The following LRRC37A2 variants were observed in gnomAD, a reference collection of about 807,000 sequenced individuals.
LRRC37A2 encodes the protein leucine-rich repeat-containing protein 37A2.
LRRC37A2 carries 9 observed loss-of-function variants against 68.8 expected under a neutral mutation model. That is an observed-to-expected ratio of 0.13 (90% CI 0.08 to 0.23). LRRC37A2 has a LOEUF of 0.23. Among genes scored for constraint, LRRC37A2 ranks in the 10% least tolerant of loss-of-function variants. The probability of loss-of-function intolerance (pLI) is 1.00; values close to 1 mark genes in which losing one functional copy is unlikely to be tolerated. For synonymous variants in LRRC37A2, 63 were observed against 367.6 expected (o/e 0.17, Z 9.48); for missense variants, 168 against 950.4 (o/e 0.18, Z 10.82).
the LRRC37A2 span, among the ~76,000 whole-genome samples, chr17:46,922,101 A>C: frequency 2.6e-5 from 4 of 152,364 alleles, no homozygotes; most frequent in East Asian, 7.7e-4. Context: ...CAACAATGAC[A>C]GACTGGATTA....
the LRRC37A2 span, among the ~76,000 whole-genome samples, chr17:46,824,888 C>T: frequency 6.6e-6 from 1 of 152,170 alleles, no homozygotes; most frequent in Non-Finnish European, 1.5e-5. Flanking sequence ...TCCTGTGTCC[C>T]TTTCATAGGA....
At chr17:46,909,657 T>A in the LRRC37A2 span, 1 of 152,274 alleles carries the variant, frequency 6.6e-6, no homozygotes, top group African/African-American at 2.4e-5. Flanking sequence ...GCTTGGGCCA[T>A]GGCAACAGCA....
the LRRC37A2 span, among the ~76,000 whole-genome samples, chr17:46,989,803 A>G: frequency 1.3e-5 from 2 of 152,366 alleles, no homozygotes; most frequent in South Asian, 4.1e-4. Flanking sequence ...CTGGCTATTT[A>G]GAGACAGCGT....
At chr17:46,768,216 G>C in the LRRC37A2 span, 2 of 1,557,486 alleles carry the variant, frequency 1.3e-6, no homozygotes, top group African/African-American at 2.7e-5. The surrounding 1 kb of genome is among the most constrained non-coding windows in gnomAD (Gnocchi z 5.0). Context: ...GGATAGCTTA[G>C]AAACAGAAGG....
chr17:46,936,741 G>T, the LRRC37A2 span: 8 of 983,982 alleles, frequency 8.1e-6, no homozygotes, highest in Non-Finnish European at 9.7e-6. Context: ...AGCCAAGCAG[G>T]ACTTTAGCAA....
the LRRC37A2 span, chr17:46,722,241 C>G: frequency 1.6e-6 from 2 of 1,218,762 alleles, no homozygotes; most frequent in Non-Finnish European, 2.4e-6. Context: ...GTCAAAATCC[C>G]TACATTCTTA....
At chr17:46,960,612 T>A in the LRRC37A2 span, among the ~76,000 whole-genome samples, 2 of 152,310 alleles carry the variant, frequency 1.3e-5, no homozygotes, top group Non-Finnish European at 2.9e-5. Context: ...ATCCTTCAAC[T>A]GAAGACAGAT....
chr17:46,711,545 G>C, the LRRC37A2 span, among the ~76,000 whole-genome samples: 1 of 152,160 alleles, frequency 6.6e-6, no homozygotes, highest in Non-Finnish European at 1.5e-5. Flanking sequence ...GTGTGTAAAG[G>C]TGTGTGTGAA....
chr17:46,558,792 C>A (rs999877125), downstream of LRRC37A2: 1 of 133,666 alleles, frequency 7.5e-6, no homozygotes, highest in South Asian at 2.3e-4. Context: ...TTCTAACTCA[C>A]ACTCCCCTAT....
the LRRC37A2 span, among the ~76,000 whole-genome samples, chr17:47,004,291 G>A: frequency 2.0e-5 from 3 of 152,134 alleles, no homozygotes; most frequent in African/African-American, 7.2e-5. Flanking sequence ...TTAAGGAATC[G>A]CCACAGTGTC....
At chr17:46,789,992 C>A in the LRRC37A2 span, among the ~76,000 whole-genome samples, 1 of 152,164 alleles carries the variant, frequency 6.6e-6, no homozygotes, top group Non-Finnish European at 1.5e-5. Flanking sequence ...GTGAAGACAG[C>A]CCTGCCCAGC....
the LRRC37A2 span, among the ~76,000 whole-genome samples, chr17:46,816,119 A>ACACACACACACACG: frequency 2.7e-5 from 4 of 150,552 alleles, no homozygotes; most frequent in Non-Finnish European, 5.9e-5. Flanking sequence ...ACGTACACAC[A>ACACACACACACACG]CACACACACA....
chr17:46,818,120 C>A, the LRRC37A2 span, among the ~76,000 whole-genome samples: 1 of 152,062 alleles, frequency 6.6e-6, no homozygotes, highest in East Asian at 1.9e-4. Context: ...TGGTTTTGCC[C>A]ATGAAGACCC....
At chr17:46,930,207 T>A in the LRRC37A2 span, 2 of 153,228 alleles carry the variant, frequency 1.3e-5, no homozygotes, top group African/African-American at 4.8e-5. Context: ...AAAGCAGCTC[T>A]GTTCTTGGTT....
chr17:46,490,876 T>G, the LRRC37A2 span, among the ~76,000 whole-genome samples: 2 of 105,332 alleles, frequency 1.9e-5, no homozygotes, highest in Non-Finnish European at 4.9e-5. Context: ...ACATACATAC[T>G]TTTTTTTTTT....
chr17:47,009,557 C>A, the LRRC37A2 span, among the ~76,000 whole-genome samples: 2 of 152,208 alleles, frequency 1.3e-5, no homozygotes, highest in Non-Finnish European at 2.9e-5. Flanking sequence ...AGCATGTGGT[C>A]CTGAGCTATG....
At chr17:46,859,093 C>T in the LRRC37A2 span, among the ~76,000 whole-genome samples, 1 of 150,800 alleles carries the variant, frequency 6.6e-6, no homozygotes, top group Non-Finnish European at 1.5e-5. Flanking sequence ...TCTTCTGACT[C>T]AGCCTCCTGA....
chr17:46,870,006 A>T, the LRRC37A2 span, among the ~76,000 whole-genome samples: 2,218 of 152,288 alleles, frequency 0.015, 60 homozygotes, highest in African/African-American at 0.051. Context: ...CAAAAAAAAA[A>T]ATGTTATATA....
chr17:47,024,594 C>G, the LRRC37A2 span: 1 of 900,794 alleles, frequency 1.1e-6, no homozygotes, highest in Non-Finnish European at 1.9e-6. Flanking sequence ...CATGACCCAG[C>G]TTTCCTCCAC....
Sources: allele counts gnomAD v4.1 joint callset (sites outside exome capture counted in the v4.1 genomes callset), GRCh38; gene constraint gnomAD v4.1.1; non-coding constraint Gnocchi (gnomAD v3.1); transcripts MANE v1.5; gene names NCBI Gene and HGNC (gene_info 2026-07-23, HGNC 2026-07-21).